The following DNAH9 variants were observed in gnomAD, a reference collection of about 807,000 sequenced individuals.
DNAH9 encodes dynein axonemal heavy chain 9.
A neutral mutation model predicts 471.6 loss-of-function variants in DNAH9; 345 were observed. The observed-to-expected ratio is 0.73, with a 90% CI of 0.67 to 0.80. DNAH9 has a LOEUF of 0.80. DNAH9 is among the 30% of genes least tolerant of loss of function. The pLI is 0.00. For missense variants in DNAH9, 5,407 were observed against 5,609.2 expected, an observed-to-expected ratio of 0.96 and a Z score of 1.15; for synonymous variants, 2,093 against 2,123.6, an observed-to-expected ratio of 0.99 and a Z score of 0.40.
rs1218791115 is a variant in DNAH9, at chr17:11,699,894, A to G, written c.5025+11A>G. The G allele has an allele frequency of 6.2e-7, 1 of 1,613,652 alleles. No homozygotes were observed. Among genetic ancestry groups the G allele is most frequent in the Non-Finnish European group, 8.5e-7 (1 of 1,179,726 alleles). ...GACTGCAGCGGGCAGGTAACACAGT[A>G]GCCCTTTCCCCTCCTTCTGCTTTTC... is the stretch of plus-strand genomic sequence containing the variant. On this transcript the variant is annotated intron_variant, in intron 23 of 68. Coordinates refer to ENST00000262442, the MANE Select transcript of DNAH9 (RefSeq NM_001372.4).
intron 43 of DNAH9, among the ~76,000 whole-genome samples, chr17:11,801,764 A>G (rs1351174195): frequency 6.6e-6 from 1 of 152,250 alleles, no homozygotes; most frequent in East Asian, 1.9e-4. Flanking sequence ...AGCCACCAGT[A>G]TGTCTGTCAT....
At chr17:11,807,952 T>A in intron 44 of DNAH9, 58 bp downstream of exon 44, 1 of 1,534,084 alleles carries the variant, frequency 6.5e-7, no homozygotes, top group South Asian at 1.2e-5. Flanking sequence ...CAGCCACAGT[T>A]CCATCATCCT....
chr17:11,801,356 C>T (rs532642890), intron 43 of DNAH9, among the ~76,000 whole-genome samples: 17 of 152,260 alleles, frequency 1.1e-4, no homozygotes, highest in Middle Eastern at 3.4e-3. Context: ...GTATCTTAGA[C>T]AATGCCTAGT....
chr17:11,748,407 T>C (rs1385409324), intron 32 of DNAH9, among the ~76,000 whole-genome samples: 1 of 152,100 alleles, frequency 6.6e-6, no homozygotes, highest in African/African-American at 2.4e-5. Flanking sequence ...GTGTAGAGTG[T>C]TAATGCTGCC....
chr17:11,747,563 A>G lies in DNAH9; in HGVS notation c.6407A>G (p.Gln2136Arg). 1 of 1,613,304 alleles carries G rather than the reference A, an allele frequency of 6.2e-7. No homozygotes were observed. The highest frequency in any genetic ancestry group is 8.5e-7 in the Non-Finnish European group (1 of 1,179,942). The change falls in exon 32 of 69, where the codon CAG (glutamine) becomes CGG (arginine). Residue 2136 changes from glutamine to arginine, a missense_variant. Coordinates refer to ENST00000262442, the MANE Select transcript of DNAH9 (RefSeq NM_001372.4). ...AATTTCCTGCCTCCTCAGGTGGTCC[A>G]GCTGGAGGAGCTCCTGGCTGTGCGG... ...AEDNFVLKVV[Q>R]LEELLAVRHS... is the part of the protein sequence containing the mutation.
intron 1 of DNAH9, among the ~76,000 whole-genome samples, chr17:11,603,038 G>C (rs2072418589): frequency 6.6e-6 from 1 of 152,128 alleles, no homozygotes; most frequent in African/African-American, 2.4e-5. Flanking sequence ...ATCAGCTCCT[G>C]ATGTACTGGC....
At chr17:11,747,813 TC>T (rs767828926) in intron 32 of DNAH9, 47 bp downstream of exon 32, 139 of 1,534,610 alleles carry the variant, frequency 9.1e-5, no homozygotes, top group Non-Finnish European at 1.2e-4. Context: ...AGCCTCAGAG[TC>T]CCTGTGGCGG....
intron 7 of DNAH9, among the ~76,000 whole-genome samples, chr17:11,631,080 C>T (rs2073056730): frequency 6.6e-6 from 1 of 151,964 alleles, no homozygotes; most frequent in Admixed American, 6.6e-5. Context: ...AACCTGGTTC[C>T]TAACAGAACA....
intron 28 of DNAH9, among the ~76,000 whole-genome samples, chr17:11,737,202 A>G (rs770456653): frequency 6.6e-6 from 1 of 152,238 alleles, no homozygotes; most frequent in African/African-American, 2.4e-5. Context: ...GCTCAAACGC[A>G]TACAGTCATT....
At chr17:11,651,482 G>T (rs1290144855) in intron 13 of DNAH9, among the ~76,000 whole-genome samples, 158 bp downstream of exon 13, 5 of 151,930 alleles carry the variant, frequency 3.3e-5, no homozygotes, top group Non-Finnish European at 7.4e-5. Context: ...AGGCAAGAAG[G>T]GTTGGTATTC....
intron 50 of DNAH9, among the ~76,000 whole-genome samples, chr17:11,858,465 C>T (rs977283137): frequency 6.6e-6 from 1 of 152,194 alleles, no homozygotes; most frequent in Admixed American, 6.5e-5. Flanking sequence ...AAAAGATTCT[C>T]ATATGTCATT....
chr17:11,776,025 G>C (rs1968417409), intron 38 of DNAH9, among the ~76,000 whole-genome samples: 1 of 151,998 alleles, frequency 6.6e-6, no homozygotes, highest in Admixed American at 6.5e-5. Context: ...ATACCAGTGG[G>C]GGCTGTGCTT....
rs1407983997 is a variant in DNAH9, at chr17:11,778,337, A to G, written c.7553-2672A>G. ...AGAGTGAGACTCCATCTCAAAAAAA[A>G]AAAAAAAAAAAAAAAAAAAAAAAAA... is the stretch of plus-strand genomic sequence containing the variant. On this transcript the variant is annotated intron_variant, in intron 38 of 68. Coordinates refer to ENST00000262442, the MANE Select transcript of DNAH9 (RefSeq NM_001372.4). Among the ~76,000 whole-genome samples the G allele has an allele frequency of 3.9e-3, 451 of 116,208 alleles. 1 individual carries two copies. The highest frequency in any genetic ancestry group is 5.8e-3 in the South Asian group (23 of 3,984). 76.2% of individuals were successfully genotyped at this position (116,208 alleles called of 152,430 possible). A position where few individuals can be genotyped will look rare whatever the true frequency, so the allele number is the denominator to read the frequency against.
At chr17:11,864,629 G>T (rs188494268) in intron 50 of DNAH9, among the ~76,000 whole-genome samples, 1 of 152,248 alleles carries the variant, frequency 6.6e-6, no homozygotes, top group East Asian at 1.9e-4. Flanking sequence ...GGGTGTTAAA[G>T]TCTCTCATTA....
At position 11,644,627 on chromosome 17, in the gene DNAH9, G is replaced by A. The variant is rs544808112; in HGVS notation, c.1902-4G>A. On this transcript the variant is annotated splice_region_variant and splice_polypyrimidine_tract_variant and intron_variant, in intron 10 of 68. Coordinates refer to ENST00000262442, the MANE Select transcript of DNAH9 (RefSeq NM_001372.4). ...GTGTCACTTTTTCTCTTTTGTACGA[G>A]TAGTTGCATGGAATCTGCAGAAGGA... 2.0e-5 allele frequency: 32 copies of A among 1,602,362 alleles called. 1 individual carries two copies. The South Asian group carries it at 3.3e-4, about 17-fold the overall frequency.
intron 41 of DNAH9, among the ~76,000 whole-genome samples, chr17:11,786,979 C>T (rs1465422885): frequency 6.6e-6 from 1 of 152,202 alleles, no homozygotes; most frequent in Non-Finnish European, 1.5e-5. Context: ...TACGTGGTCC[C>T]CTCACTCTCC....
intron 38 of DNAH9, among the ~76,000 whole-genome samples, chr17:11,774,093 A>T (rs1182216534): frequency 6.6e-6 from 1 of 152,148 alleles, no homozygotes; most frequent in Non-Finnish European, 1.5e-5. Flanking sequence ...CCAAGATCAC[A>T]TCACTGCTCT....
Position 11,736,709 on chromosome 17 carries a change from C to T in DNAH9, c.5815-2171C>T, listed in dbSNP as rs548012737. Among the ~76,000 whole-genome samples the T allele has an allele frequency of 3.9e-5, 6 of 152,336 alleles. No individual in the cohort carries two copies. The South Asian group carries it at 6.2e-4, about 16-fold the overall frequency. On this transcript the variant is annotated intron_variant, in intron 28 of 68. Transcript: ENST00000262442. ...TCTGTTCAACACTCTCCCTCAAGAG[C>T]CCCTCTACAGAATTTTACACAAAAG...
At chr17:11,911,032 A>G (rs1013779704) in intron 61 of DNAH9, among the ~76,000 whole-genome samples, 1 of 152,060 alleles carries the variant, frequency 6.6e-6, no homozygotes. Context: ...GAAGCAGAAA[A>G]TTTTTATGTT....
Sources: allele counts gnomAD v4.1 joint callset (sites outside exome capture counted in the v4.1 genomes callset), GRCh38; gene constraint gnomAD v4.1.1; transcripts MANE v1.5; gene names NCBI Gene and HGNC (gene_info 2026-07-23, HGNC 2026-07-21).